The following RAD21 variants were observed in gnomAD, a reference collection of about 807,000 sequenced individuals.
RAD21 encodes RAD21 cohesin complex component.
Under a neutral mutation model 71.5 loss-of-function variants are expected in RAD21, and 18 were observed. The ratio of observed to expected loss-of-function variants is 0.25; its 90% CI spans 0.17 to 0.37. The LOEUF (loss-of-function observed/expected upper bound fraction) is 0.37. RAD21 is among the 10% of genes least tolerant of loss of function. The pLI is 1.00. For missense variants in RAD21, 493 were observed against 769.1 expected, an observed-to-expected ratio of 0.64 and a Z score of 4.25; for synonymous variants, 248 against 254.0, an observed-to-expected ratio of 0.98 and a Z score of 0.22.
chr8:116,863,788 T>C (rs1216401980), intron 2 of RAD21, among the ~76,000 whole-genome samples: 1 of 152,112 alleles, frequency 6.6e-6, no homozygotes, highest in Non-Finnish European at 1.5e-5. Flanking sequence ...TGGTGCTTCA[T>C]GCAGTCACCC....
In RAD21 at chr8:116,852,004, G is replaced by A; in HGVS notation, c.1414C>T (p.Pro472Ser). The change falls in exon 11 of 14, where the codon CCA becomes TCA. Residue 472 changes from proline (P) to serine (S), a missense_variant. By Grantham distance (74) the Pro-to-Ser change is moderately conservative (BLOSUM62 -1). Coordinates refer to ENST00000297338, the MANE Select transcript of RAD21 (RefSeq NM_006265.3). ...GCTTTTCGCTTAACTCCCTGAGGTG[G>A]TGGTGGAGGCATAGCTGACTCATCT... ...NIDESAMPPP[P>S]PQGVKRKAGQ... 6.2e-7 allele frequency: 1 copy of A among 1,613,108 alleles called. No individual in the cohort carries two copies.
chr8:116,861,998 G>A (rs1039609241), intron 3 of RAD21, 58 bp from the exon 4 acceptor site: 6 of 1,344,174 alleles, frequency 4.5e-6, no homozygotes, highest in Admixed American at 1.7e-5. Flanking sequence ...CTAGGGATCA[G>A]AGGGAGATAA....
At position 116,850,656 on chromosome 8, in the gene RAD21, C is replaced by T. The variant is rs750042081; in HGVS notation, c.1582G>A (p.Glu528Lys). The T allele has an allele frequency of 6.2e-7, 1 of 1,610,588 alleles. No homozygotes were observed. Among genetic ancestry groups the T allele is most frequent in the African/African-American group, 1.3e-5 (1 of 74,796 alleles). The change falls in exon 12 of 14, where the codon GAG becomes AAG. Residue 528 changes from glutamate to lysine, a missense_variant. Glu to Lys is a moderately conservative substitution (Grantham distance 56, BLOSUM62 1). Transcript: ENST00000297338. ...ELELLPEKEK[E>K]KEKEKEDDEE... ...TCATCTTCTTTTTCCTTCTCTTTCT[C>T]CTTCTCTTTTTCTGGCAGAAGTTCT... is the stretch of plus-strand genomic sequence containing the variant.
At chr8:116,852,217 C>T in intron 10 of RAD21, 121 bp from the exon 11 acceptor site, 1 of 985,400 alleles carries the variant, frequency 1.0e-6, no homozygotes, top group Non-Finnish European at 1.4e-6. Context: ...ATGAAGAAGG[C>T]CAGATAAAAT....
At chr8:116,848,798 A>AAAAT (rs748683179) in intron 13 of RAD21, 148 bp downstream of exon 13, 6 of 479,604 alleles carry the variant, frequency 1.3e-5, no homozygotes, top group Admixed American at 8.4e-5. Flanking sequence ...CCCTCCAGAA[A>AAAAT]AAATAAATAA....
Position 116,856,742 on chromosome 8 carries a change from CG to C in RAD21, c.717del (p.Gly240ValfsTer14). On this transcript the variant is annotated frameshift_variant, in exon 7 of 14. Transcript: ENST00000297338. LOFTEE classifies it high-confidence loss of function. ...AGGGCAGGGGGATCATCAAAGATAC[CG>C]CCATCATTATTACTAATAAGTTTGT... is the stretch of plus-strand genomic sequence containing the variant. ...LDDKLISNND[G>X]GIFDDPPALS... The C allele has an allele frequency of 6.5e-7, 1 of 1,549,052 alleles. No individual in the cohort carries two copies. Among genetic ancestry groups the C allele is most frequent in the South Asian group, 1.3e-5 (1 of 79,694 alleles).
At chr8:116,857,216 A>G (rs1314415820) in intron 6 of RAD21, 51 bp downstream of exon 6, 2 of 1,513,814 alleles carry the variant, frequency 1.3e-6, no homozygotes, top group Non-Finnish European at 9.1e-7. Context: ...AAACTTTACA[A>G]CTTAATAAAG....
chr8:116,865,302 A>G (rs1277555154), intron 2 of RAD21, among the ~76,000 whole-genome samples: 1 of 152,150 alleles, frequency 6.6e-6, no homozygotes, highest in African/African-American at 2.4e-5. Context: ...GGTACATATC[A>G]TGAAAAAAAT....
rs1354847604 is a variant in RAD21 at position 116,856,529 on chromosome 8, T to C, written c.814+117A>G. ...GAACCAGTAATCATAAGCACTGTAC[T>C]TAAAGATATTTATAATTCACTAAAA... On this transcript the variant is annotated intron_variant, in intron 7 of 13. Coordinates refer to ENST00000297338, the MANE Select transcript of RAD21 (RefSeq NM_006265.3). 2.3e-6 allele frequency: 3 copies of C among 1,282,846 alleles called. No individual in the cohort carries two copies. In the African/African-American group the frequency reaches 4.6e-5, roughly 20 times the overall value. The allele number at this position is 1,282,846 out of a possible 1,614,324, so 79.5% of individuals were successfully genotyped here.
At chr8:116,848,463 G>A (rs1196981825) in intron 13 of RAD21, among the ~76,000 whole-genome samples, 1 of 152,146 alleles carries the variant, frequency 6.6e-6, no homozygotes, top group Non-Finnish European at 1.5e-5. Context: ...CCTATTTTAA[G>A]AAACCTTGAG....
Position 116,874,619 on chromosome 8 carries a change from C to A in RAD21, c.-41G>T. 2 of 348,736 alleles carry A rather than the reference C, an allele frequency of 5.7e-6. No homozygotes were observed. Among genetic ancestry groups the A allele is most frequent in the Non-Finnish European group, 1.1e-5 (2 of 181,584 alleles). 21.6% of individuals were successfully genotyped at this position (348,736 alleles called of 1,614,324 possible). A position where few individuals can be genotyped will look rare whatever the true frequency, so the allele number is the denominator to read the frequency against. Reference sequence around the variant, plus strand: ...TCGGCCGAGTCTCTTACCTTGCTCTCCGCTGGGAGTTGGGCGGGCTGGGTG... The same window carrying A: ...TCGGCCGAGTCTCTTACCTTGCTCTACGCTGGGAGTTGGGCGGGCTGGGTG... On this transcript the variant is annotated 5_prime_UTR_variant, in exon 1 of 14. Coordinates refer to ENST00000297338, the MANE Select transcript of RAD21 (RefSeq NM_006265.3).
intron 13 of RAD21, among the ~76,000 whole-genome samples, chr8:116,848,518 G>T (rs1812289615): frequency 6.6e-6 from 1 of 152,112 alleles, no homozygotes; most frequent in Non-Finnish European, 1.5e-5. Context: ...TCCTGTCTAT[G>T]TCTAGGACAT....
At chr8:116,854,088 G>T (rs964642413) in intron 9 of RAD21, among the ~76,000 whole-genome samples, 157 bp downstream of exon 9, 2 of 148,120 alleles carry the variant, frequency 1.4e-5, no homozygotes, top group African/African-American at 5.3e-5. Flanking sequence ...TATTTCAGAT[G>T]AAGTTATGCC....
intron 1 of RAD21, among the ~76,000 whole-genome samples, chr8:116,871,990 G>A (rs903278573): frequency 6.6e-6 from 1 of 152,058 alleles, no homozygotes; most frequent in African/African-American, 2.4e-5. Context: ...CCCAAACAAC[G>A]GAATATAGTC....
chr8:116,854,783 T>C (rs1302793725), intron 8 of RAD21, among the ~76,000 whole-genome samples: 2 of 152,190 alleles, frequency 1.3e-5, no homozygotes, highest in Non-Finnish European at 2.9e-5. Context: ...AATGAACATA[T>C]CACACTCTTC....
intron 1 of RAD21, among the ~76,000 whole-genome samples, chr8:116,873,396 C>T (rs994510860): frequency 2.6e-5 from 4 of 152,178 alleles, no homozygotes; most frequent in African/African-American, 9.7e-5. Flanking sequence ...TTAGTTGCCT[C>T]CGACATTAAC....
Position 116,863,185 on chromosome 8 carries a change from G to A in RAD21, c.219C>T (p.Tyr73=), listed in dbSNP as rs762103909. 1 of 1,612,222 alleles carries A rather than the reference G, an allele frequency of 6.2e-7. No homozygotes were observed. Among genetic ancestry groups the A allele is most frequent in the African/African-American group, 1.3e-5 (1 of 74,854 alleles). The change falls in exon 3 of 14, where the codon TAC becomes TAT. Residue 73 remains tyrosine, a synonymous_variant. Coordinates refer to ENST00000297338, the MANE Select transcript of RAD21 (RefSeq NM_006265.3). ...VVRIYHRKAK[Y]LLADCNEAFI... is the part of the protein sequence containing the mutation. Reference sequence around the variant, plus strand: ...ATGCTTCATTACAGTCTGCAAGAAGGTATTTGGCTTTCCTGTGATAGATTC... The same window carrying A: ...ATGCTTCATTACAGTCTGCAAGAAGATATTTGGCTTTCCTGTGATAGATTC...
intron 1 of RAD21, among the ~76,000 whole-genome samples, chr8:116,870,061 C>G (rs1812779838): frequency 6.6e-6 from 1 of 152,142 alleles, no homozygotes; most frequent in African/African-American, 2.4e-5. Flanking sequence ...TTTGCTTTAT[C>G]TCCATTTCCA....
Position 116,858,433 on chromosome 8 carries a change from T to G in RAD21, c.400A>C (p.Ser134Arg). The G allele has an allele frequency of 1.9e-6, 3 of 1,613,076 alleles. No individual in the cohort carries two copies. The highest frequency in any genetic ancestry group is 2.5e-6 in the Non-Finnish European group (3 of 1,179,492). ...TCTTCCACTCTACTCTGATTCAAGC[T>G]GAACTGCTGGGCCACATCGATGTCA... ...LDDIDVAQQFSLNQSRVEEIT... is the reference protein window; with the variant it reads ...LDDIDVAQQFRLNQSRVEEIT... Residue 134 changes from serine (S) to arginine (R), a missense_variant, in exon 5 of 14, where the codon AGC becomes CGC. By Grantham distance (110) the Ser-to-Arg change is moderately radical (BLOSUM62 -1). Transcript: ENST00000297338.
Sources: allele counts gnomAD v4.1 joint callset (sites outside exome capture counted in the v4.1 genomes callset), GRCh38; gene constraint gnomAD v4.1.1; transcripts MANE v1.5; gene names NCBI Gene and HGNC (gene_info 2026-07-23, HGNC 2026-07-21).